KNDC1: variants seen among roughly 807,000 people sequenced by gnomAD.
KNDC1 encodes kinase non-catalytic C-lobe domain-containing protein 1.
In KNDC1, 106 loss-of-function variants were observed where a neutral mutation model predicts 172.8. That is an observed-to-expected ratio of 0.61 (90% CI 0.52 to 0.72). The LOEUF (loss-of-function observed/expected upper bound fraction) is 0.72, where lower values mean the gene tolerates loss of function less well. Ranked by LOEUF, KNDC1 falls within the 30% of genes least tolerant of loss-of-function variation. The pLI is 0.00. For synonymous variants in KNDC1, 1,083 were observed against 1,062.2 expected, an observed-to-expected ratio of 1.02 and a Z score of -0.38; for missense variants, 2,325 against 2,394.5, an observed-to-expected ratio of 0.97 and a Z score of 0.61.
chr10:133,180,109 C>T (rs1386288484), intron 3 of KNDC1, among the ~76,000 whole-genome samples: 3 of 152,244 alleles, frequency 2.0e-5, no homozygotes, highest in African/African-American at 7.2e-5. Context: ...CAAACGGCTG[C>T]TCTTCGCCGG....
At chr10:133,161,661 T>A (rs1852974076) in intron 1 of KNDC1, among the ~76,000 whole-genome samples, 1 of 151,954 alleles carries the variant, frequency 6.6e-6, no homozygotes, top group Admixed American at 6.5e-5. Context: ...TGGCCTGGAT[T>A]CGGTGCAGTT....
At chr10:133,173,812 G>T (rs1458498983) in intron 3 of KNDC1, 2 of 152,208 alleles carry the variant, frequency 1.3e-5, no homozygotes, top group African/African-American at 4.8e-5. Context: ...CCAGCATCAC[G>T]GGTGTGAGAT....
At position 133,197,747 on chromosome 10, in the gene KNDC1, C is replaced by T. The variant is rs771432050; in HGVS notation, c.1885C>T (p.Pro629Ser). Residue 629 changes from proline (P) to serine (S), a missense_variant, in exon 12 of 30, where the codon CCA (proline) becomes TCA (serine). Pro to Ser is a moderately conservative substitution (Grantham distance 74). Coordinates refer to ENST00000304613, the MANE Select transcript of KNDC1 (RefSeq NM_152643.8). Reference sequence around the variant, plus strand: ...GGTTGAACTGAAGCCCAGTGTGGCACCAGCCCCAGAGCCCAGCCCAGGTGG... The same window carrying T: ...GGTTGAACTGAAGCCCAGTGTGGCATCAGCCCCAGAGCCCAGCCCAGGTGG... ...SVVELKPSVA[P>S]APEPSPGFLP... is the part of the protein sequence containing the mutation. 24 of 1,612,530 alleles carry T rather than the reference C, an allele frequency of 1.5e-5. 1 individual carries two copies. In the South Asian group the frequency reaches 1.5e-4, roughly 10 times the overall value.
At chr10:133,217,873 G>A (rs972698279) in intron 26 of KNDC1, among the ~76,000 whole-genome samples, 3 of 151,692 alleles carry the variant, frequency 2.0e-5, no homozygotes, top group Non-Finnish European at 4.4e-5. Context: ...TCAGGAGTTC[G>A]AGACCAGCCT....
chr10:133,186,630 A>T lies in KNDC1; in HGVS notation c.1282A>T (p.Ile428Phe), dbSNP rs541977090. 2.4e-4 allele frequency: 385 copies of T among 1,595,670 alleles called. 5 individuals are homozygous for T. In the South Asian group the frequency reaches 4.0e-3, roughly 17 times the overall value. Residue 428 changes from isoleucine to phenylalanine, a missense_variant, in exon 6 of 30, where the codon ATT (isoleucine) becomes TTT (phenylalanine). Transcript: ENST00000304613. ...EAQTPRDDERIPEGARQLESA... is the reference protein window; with the variant it reads ...EAQTPRDDERFPEGARQLESA... The stretch of plus-strand genomic sequence containing the variant: ...CCAGACTCCCAGGGACGATGAGAGA[A>T]TTCCAGAAGGAGCTAGGCAGCTGGA...
chr10:133,211,373 C>A, intron 21 of KNDC1, 49 bp from the exon 22 acceptor site: 1 of 1,577,790 alleles, frequency 6.3e-7, no homozygotes, highest in Non-Finnish European at 8.6e-7. Context: ...TGGGCCTCTG[C>A]CCCCGACTCC....
At position 133,198,497 on chromosome 10, in the gene KNDC1, C is replaced by A; in HGVS notation, c.2067C>A (p.Ala689=). ...TCCTCGCGCAGAACGCAAGTGTGGC[C>A]AGGTGAGCATCGTCCCCACACCCCG... ...PIVLAQNASV[A]RDQPALAQEE... The change falls in exon 13 of 30, where the codon GCC becomes GCA. Residue 689 remains alanine (A), a splice_region_variant and synonymous_variant. Transcript: ENST00000304613. The A allele has an allele frequency of 6.2e-7, 1 of 1,600,924 alleles. No homozygotes were observed. Among genetic ancestry groups the A allele is most frequent in the Middle Eastern group, 1.7e-4 (1 of 6,036 alleles).
In KNDC1 at chr10:133,163,568, C is replaced by G. The variant is rs1365255467; in HGVS notation, c.102+2999C>G. Among the ~76,000 whole-genome samples the G allele has an allele frequency of 6.6e-6, 1 of 152,058 alleles. No homozygotes were observed. Among genetic ancestry groups the G allele is most frequent in the Non-Finnish European group, 1.5e-5 (1 of 68,012 alleles). On this transcript the variant is annotated intron_variant, in intron 1 of 29. Transcript: ENST00000304613. The surrounding 1 kb of genome is among the most constrained non-coding windows in gnomAD (Gnocchi z 4.4). Reference sequence around the variant, plus strand: ...GCCTGGGGATTGGCAGCCAGTGCTCCCAGCTGTGATTGGAGTTTTGTATTA... The same window carrying G: ...GCCTGGGGATTGGCAGCCAGTGCTCGCAGCTGTGATTGGAGTTTTGTATTA...
Position 133,185,957 on chromosome 10 carries a change from A to G in KNDC1, c.626-17A>G, listed in dbSNP as rs1853897154. ...GGGAGGGGCACCCAGCCGTGACCAC[A>G]TCTTGCTTGTGCCCAGATGTCAGCG... is the stretch of plus-strand genomic sequence containing the variant. On this transcript the variant is annotated splice_polypyrimidine_tract_variant and intron_variant, in intron 5 of 29. Transcript: ENST00000304613. The G allele has an allele frequency of 8.3e-7, 1 of 1,211,600 alleles. No individual in the cohort carries two copies. Among genetic ancestry groups the G allele is most frequent in the Admixed American group, 2.9e-5 (1 of 34,356 alleles). 75.1% of individuals were successfully genotyped at this position (1,211,600 alleles called of 1,614,324 possible).
At chr10:133,166,991 A>C (rs1591216865) in intron 1 of KNDC1, among the ~76,000 whole-genome samples, 1 of 152,126 alleles carries the variant, frequency 6.6e-6, no homozygotes, top group East Asian at 1.9e-4. Context: ...ACAGTTGGGG[A>C]TGTCCACTCC....
At position 133,209,188 on chromosome 10, in the gene KNDC1, G is replaced by A. The variant is rs1247254407; in HGVS notation, c.3795-1423G>A. 6.6e-6 allele frequency among the ~76,000 whole-genome samples: 1 copy of A among 151,222 alleles called. No homozygotes were observed. Among genetic ancestry groups the A allele is most frequent in the Non-Finnish European group, 1.5e-5 (1 of 67,824 alleles). On this transcript the variant is annotated intron_variant, in intron 20 of 29. Coordinates refer to ENST00000304613, the MANE Select transcript of KNDC1 (RefSeq NM_152643.8). The surrounding 1 kb of genome is among the most constrained non-coding windows in gnomAD (Gnocchi z 4.9). ...GGTGTGCATGTGTGTATGGCATGGGGTGTAGTGTGGCGTGTACACGTGTGT... is the reference window on the plus strand; with the variant it reads ...GGTGTGCATGTGTGTATGGCATGGGATGTAGTGTGGCGTGTACACGTGTGT...
At chr10:133,183,219 C>T in intron 3 of KNDC1, 125 bp from the exon 4 acceptor site, 3 of 1,201,984 alleles carry the variant, frequency 2.5e-6, no homozygotes, top group Non-Finnish European at 3.4e-6. Context: ...GGCACGGGTG[C>T]TGCTTCCCCT....
At chr10:133,170,263 A>C (rs1339190492) in intron 3 of KNDC1, among the ~76,000 whole-genome samples, 4 of 152,146 alleles carry the variant, frequency 2.6e-5, no homozygotes, top group African/African-American at 9.7e-5. Context: ...AGGTGGACGT[A>C]CATCTGTTCC....
chr10:133,188,547 C>G lies in KNDC1; in HGVS notation c.1335C>G (p.Ser445=), dbSNP rs746816058. Residue 445 remains serine, a synonymous_variant, in exon 7 of 30, where the codon TCC becomes TCG. Coordinates refer to ENST00000304613, the MANE Select transcript of KNDC1 (RefSeq NM_152643.8). The stretch of plus-strand genomic sequence containing the variant: ...CGCTCTCCTGCCCACAGTGGGTGTC[C>G]CTGCAGGACCTCCTGTCCCAGCTGG... ...LESAAAEQWV[S]LQDLLSQLGR... is the part of the protein sequence containing the mutation. 6.4e-7 allele frequency: 1 copy of G among 1,563,404 alleles called. No homozygotes were observed. Among genetic ancestry groups the G allele is most frequent in the South Asian group, 1.2e-5 (1 of 85,230 alleles).
At chr10:133,187,197 G>T (rs1395273761) in intron 6 of KNDC1, among the ~76,000 whole-genome samples, 1 of 152,250 alleles carries the variant, frequency 6.6e-6, no homozygotes, top group African/African-American at 2.4e-5. Flanking sequence ...GCTGGGATCT[G>T]GTGCGGCTGC....
At chr10:133,188,715 CA>C in intron 7 of KNDC1, 62 bp downstream of exon 7, 1 of 819,638 alleles carries the variant, frequency 1.2e-6, no homozygotes, top group South Asian at 1.6e-5. Context: ...TTCCACCCCC[CA>C]CCGCCGTCCC....
intron 3 of KNDC1, among the ~76,000 whole-genome samples, chr10:133,181,132 C>T (rs1237031536): frequency 6.6e-6 from 1 of 151,856 alleles, no homozygotes; most frequent in African/African-American, 2.4e-5. Flanking sequence ...ACGGGGCACC[C>T]ACTGACGCCA....
In KNDC1 at chr10:133,218,841, A is replaced by T; in HGVS notation, c.4688A>T (p.Asn1563Ile). ...VTSHTSKLQV[N>I]LLSKFLLIAK... ...ATTTTCTTATTGCAGCTGCAGGTGA[A>T]CTTGCTGTCCAAATTTTTGCTGATT... Residue 1563 changes from asparagine (N) to isoleucine (I), a missense_variant, in exon 27 of 30, where the codon AAC becomes ATC. Transcript: ENST00000304613. The T allele has an allele frequency of 2.5e-6, 4 of 1,611,358 alleles. No homozygotes were observed. In the South Asian group the frequency reaches 4.4e-5, roughly 18 times the overall value.
intron 29 of KNDC1, among the ~76,000 whole-genome samples, chr10:133,220,908 C>A (rs964723997): frequency 2.0e-5 from 3 of 152,096 alleles, no homozygotes; most frequent in African/African-American, 7.2e-5. Flanking sequence ...GGCACCTCTC[C>A]TCCTGTCCTT....
Sources: allele counts gnomAD v4.1 joint callset (sites outside exome capture counted in the v4.1 genomes callset), GRCh38; gene constraint gnomAD v4.1.1; non-coding constraint Gnocchi (gnomAD v3.1); transcripts MANE v1.5; gene names NCBI Gene and HGNC (gene_info 2026-07-23, HGNC 2026-07-21).